The following DSCAM variants were observed in gnomAD, a reference collection of about 807,000 sequenced individuals.
DSCAM encodes cell adhesion molecule DSCAM.
Under a neutral mutation model 217.7 loss-of-function variants are expected in DSCAM, and 47 were observed. The observed-to-expected ratio is 0.22, with a 90% CI of 0.17 to 0.28. The LOEUF (loss-of-function observed/expected upper bound fraction) is 0.28. Among genes scored for constraint, DSCAM ranks in the 10% least tolerant of loss-of-function variants. The pLI is 1.00. For missense variants in DSCAM, 2,080 were observed against 2,618.3 expected (o/e 0.79, Z 4.49); for synonymous variants, 1,056 against 1,015.3 (o/e 1.04, Z -0.76).
At chr21:40,418,652 C>T (rs532504702) in intron 3 of DSCAM, among the ~76,000 whole-genome samples, 38 of 152,172 alleles carry the variant, frequency 2.5e-4, no homozygotes, top group African/African-American at 8.4e-4. Context: ...ATTATCACAA[C>T]ATAAACCAAA....
intron 3 of DSCAM, among the ~76,000 whole-genome samples, chr21:40,520,946 T>G (rs1020815711): frequency 7.9e-5 from 12 of 152,242 alleles, no homozygotes; most frequent in African/African-American, 2.7e-4. Context: ...AAATATCACA[T>G]GTACCCTGTA....
chr21:40,703,015 T>TC (rs1414190678), intron 2 of DSCAM, among the ~76,000 whole-genome samples: 1 of 152,230 alleles, frequency 6.6e-6, no homozygotes, highest in African/African-American at 2.4e-5. Flanking sequence ...CAATTATTTT[T>TC]TAAAATATTG....
chr21:40,619,038 G>A (rs371994020), intron 3 of DSCAM, among the ~76,000 whole-genome samples: 3 of 151,330 alleles, frequency 2.0e-5, no homozygotes, highest in African/African-American at 7.4e-5. Flanking sequence ...TAAACCCACC[G>A]GGTAAAAGGA....
intron 20 of DSCAM, among the ~76,000 whole-genome samples, chr21:40,112,031 T>C (rs2089905705): frequency 1.3e-5 from 2 of 151,518 alleles, no homozygotes; most frequent in African/African-American, 2.4e-5. Context: ...AACAAGGATA[T>C]CCAGGAAGTG....
At chr21:40,371,450 T>G (rs573549390) in intron 3 of DSCAM, among the ~76,000 whole-genome samples, 37 of 151,372 alleles carry the variant, frequency 2.4e-4, no homozygotes, top group African/African-American at 8.5e-4. Context: ...ATGTATGTAA[T>G]TCCTGTCACC....
intron 1 of DSCAM, among the ~76,000 whole-genome samples, chr21:40,833,834 C>G (rs1313695885): frequency 6.6e-6 from 1 of 152,134 alleles, no homozygotes; most frequent in African/African-American, 2.4e-5. Flanking sequence ...TCTGTGTTCT[C>G]AACCTTGGCA....
At chr21:40,214,762 AAAC>A (rs942746860) in intron 11 of DSCAM, among the ~76,000 whole-genome samples, 16 of 151,802 alleles carry the variant, frequency 1.1e-4, no homozygotes, top group African/African-American at 1.9e-4. Flanking sequence ...ACAAAACAAA[AAAC>A]AACAAGAAAA....
rs192408048 is a variant in DSCAM, at chr21:40,169,303, A to G, written c.2948-2015T>C. On this transcript the variant is annotated intron_variant, in intron 15 of 32. Coordinates refer to ENST00000400454, the MANE Select transcript of DSCAM (RefSeq NM_001389.5). ...TGTTGCTTTTCTCAACAATATGACA[A>G]TAAGCCAAGCAGGAAATCAGAATGG... 3.2e-3 allele frequency among the ~76,000 whole-genome samples: 486 copies of G among 152,338 alleles called. 2 individuals carry two copies. The highest frequency in any genetic ancestry group is 5.1e-3 in the African/African-American group (211 of 41,576).
In DSCAM at chr21:40,116,799, G is replaced by A. The variant is rs958092010; in HGVS notation, c.3696+7396C>T. Among the ~76,000 whole-genome samples, 5 of 150,964 alleles carry A rather than the reference G, an allele frequency of 3.3e-5. No individual in the cohort carries two copies. In the South Asian group the frequency reaches 8.4e-4, roughly 25 times the overall value. ...GGGCGGATCATGAGGTCAGGAGATC[G>A]AGACCATCCTGGCTAACACAGTGAA... On this transcript the variant is annotated intron_variant, in intron 20 of 32. Transcript: ENST00000400454.
At chr21:40,075,272 T>C (rs998284036) in intron 26 of DSCAM, 59 bp from the exon 27 acceptor site, 1 of 1,578,704 alleles carries the variant, frequency 6.3e-7, no homozygotes, top group Admixed American at 1.7e-5. Flanking sequence ...GCGGAGCTTT[T>C]AGGGATGACA....
At chr21:40,508,732 C>CAAAT (rs2146052454) in intron 3 of DSCAM, among the ~76,000 whole-genome samples, 1 of 75,594 alleles carries the variant, frequency 1.3e-5, no homozygotes, top group Non-Finnish European at 2.5e-5. Context: ...CCACACCCGG[C>CAAAT]AAATATATAT....
At chr21:40,167,837 C>T (rs543894729) in intron 15 of DSCAM, among the ~76,000 whole-genome samples, 4 of 152,236 alleles carry the variant, frequency 2.6e-5, no homozygotes, top group South Asian at 2.1e-4. Context: ...GAGGCCGACG[C>T]GGGCAATCAC....
At chr21:40,782,502 AGG>A (rs2091555836) in intron 1 of DSCAM, among the ~76,000 whole-genome samples, 4 of 152,118 alleles carry the variant, frequency 2.6e-5, no homozygotes, top group African/African-American at 9.7e-5. Context: ...CCGAGGCGGG[AGG>A]ATCGCTTGAG....
rs1489640974 is a variant in DSCAM at position 40,093,850 on chromosome 21, G to C, written c.3721C>G (p.Pro1241Ala). 6.2e-7 allele frequency: 1 copy of C among 1,613,838 alleles called. No individual in the cohort carries two copies. The highest frequency in any genetic ancestry group is 1.7e-5 in the Admixed American group (1 of 59,990). Residue 1241 changes from proline (P) to alanine (A), a missense_variant, in exon 21 of 33, where the codon CCC (proline) becomes GCC (alanine). Physicochemically the swap from Pro to Ala is conservative, Grantham distance 27. Around this residue, in one of 5 missense-constraint regions of DSCAM, gnomAD observed 1,144 missense variants for 1,421.1 expected, o/e 0.81. Coordinates refer to ENST00000400454, the MANE Select transcript of DSCAM (RefSeq NM_001389.5). ...PTVISEFEAS[P>A]DSFSYRIPNL... ...GGAATTCTGTAGGAAAACGAGTCGG[G>C]AGAGGCCTCAAACTCGCTGATCACC...
chr21:40,684,555 A>G (rs747524238), intron 3 of DSCAM, among the ~76,000 whole-genome samples: 9 of 152,310 alleles, frequency 5.9e-5, no homozygotes, highest in Non-Finnish European at 1.2e-4. Flanking sequence ...ACAGCACCAT[A>G]AGCCTGGTCC....
intron 3 of DSCAM, among the ~76,000 whole-genome samples, chr21:40,422,599 G>A (rs1219970306): frequency 2.0e-5 from 3 of 152,126 alleles, no homozygotes; most frequent in South Asian, 2.1e-4. Flanking sequence ...CCAAGATCGC[G>A]CCACTGCCCT....
chr21:40,677,185 C>T (rs567725560), intron 3 of DSCAM, among the ~76,000 whole-genome samples: 1 of 149,880 alleles, frequency 6.7e-6, no homozygotes, highest in African/African-American at 2.5e-5. Context: ...GTGAAAGATA[C>T]TGGTACAATG....
chr21:40,231,085 G>A (rs1467202719), intron 11 of DSCAM, among the ~76,000 whole-genome samples: 1 of 147,328 alleles, frequency 6.8e-6, no homozygotes, highest in African/African-American at 2.5e-5. Flanking sequence ...TTTATTTCTT[G>A]CAGGTGAGAC....
intron 1 of DSCAM, among the ~76,000 whole-genome samples, chr21:40,769,951 ATTTGTTT>A (rs2091430211): frequency 6.6e-6 from 1 of 152,054 alleles, no homozygotes; most frequent in African/African-American, 2.4e-5. Context: ...ATAAACTCCC[ATTTGTTT>A]TTTGTATTTG....
Sources: gnomAD v4.1 joint callset for allele counts (sites outside exome capture counted in the v4.1 genomes callset) on GRCh38, gnomAD v4.1.1 for gene constraint, gnomAD v4.1.1 regional missense constraint, MANE v1.5 for transcripts, NCBI Gene and HGNC (gene_info 2026-07-23, HGNC 2026-07-21) for gene names.